PAK1: variants seen among roughly 807,000 people sequenced by gnomAD.
PAK1 encodes the protein p21 (RAC1) activated kinase 1.
Under a neutral mutation model 67.4 loss-of-function variants are expected in PAK1, and 29 were observed. The ratio of observed to expected loss-of-function variants is 0.43; its 90% CI spans 0.32 to 0.59. The LOEUF (loss-of-function observed/expected upper bound fraction) is 0.59. PAK1 is among the 20% of genes least tolerant of loss of function. The pLI is 0.07. For missense variants in PAK1, 337 were observed against 670.7 expected, an observed-to-expected ratio of 0.50 and a Z score of 5.50; for synonymous variants, 223 against 237.4, an observed-to-expected ratio of 0.94 and a Z score of 0.56.
the PAK1 span, among the ~76,000 whole-genome samples, chr11:77,505,015 C>G: frequency 6.6e-6 from 1 of 152,154 alleles, no homozygotes; most frequent in African/African-American, 2.4e-5. Context: ...CGATCTGGAG[C>G]CAGGATGAGA....
chr11:77,408,722 G>T (rs2137949317), intron 1 of PAK1, among the ~76,000 whole-genome samples: 1 of 152,252 alleles, frequency 6.6e-6, no homozygotes, highest in East Asian at 1.9e-4. Flanking sequence ...GAAAATATTT[G>T]TAAGCTATCC....
the PAK1 span, among the ~76,000 whole-genome samples, chr11:77,510,000 T>C: frequency 6.6e-6 from 1 of 152,256 alleles, no homozygotes; most frequent in Non-Finnish European, 1.5e-5. Flanking sequence ...ATAGACTCTC[T>C]GTTATCAGAT....
At chr11:77,394,631 G>A (rs1188882430) in intron 1 of PAK1, among the ~76,000 whole-genome samples, 1 of 152,110 alleles carries the variant, frequency 6.6e-6, no homozygotes, top group East Asian at 1.9e-4. Context: ...CAGATCACGA[G>A]GTCAAGAGAT....
chr11:77,394,147 C>A (rs1179768675), intron 1 of PAK1, among the ~76,000 whole-genome samples: 1 of 152,158 alleles, frequency 6.6e-6, no homozygotes, highest in African/African-American at 2.4e-5. Flanking sequence ...GTCTTCCATG[C>A]TGCAGTAGAA....
chr11:77,474,032 CCTT>C lies in PAK1; in HGVS notation c.-505_-503del, dbSNP rs1334233847. 1.9e-4 allele frequency: 29 copies of C among 152,080 alleles called. 1 individual carries two copies. Among genetic ancestry groups the C allele is most frequent in the Non-Finnish European group, 5.9e-5 (4 of 68,112 alleles). 9.4% of individuals were successfully genotyped at this position (152,080 alleles called of 1,614,324 possible). A position where few individuals can be genotyped will look rare whatever the true frequency, so the allele number is the denominator to read the frequency against. On this transcript the variant is annotated 5_prime_UTR_variant, in exon 1 of 15. Transcript: ENST00000356341. Reference sequence around the variant, plus strand: ...GGGGGCGTCTACTGTGCAGCCACCACCTTCGGCTCCGGCTGCAGCCGCGGGAGG... The same window carrying C: ...GGGGGCGTCTACTGTGCAGCCACCACCGGCTCCGGCTGCAGCCGCGGGAGG...
At chr11:77,449,105 A>G (rs956605622) in intron 1 of PAK1, among the ~76,000 whole-genome samples, 2 of 152,234 alleles carry the variant, frequency 1.3e-5, no homozygotes, top group African/African-American at 4.8e-5. Flanking sequence ...AAACTCCTTC[A>G]ATCTTAGCCT....
At chr11:77,521,401 T>C in the PAK1 span, among the ~76,000 whole-genome samples, 2 of 152,184 alleles carry the variant, frequency 1.3e-5, no homozygotes, top group East Asian at 3.9e-4. Context: ...TGGTGGCGCA[T>C]GCCTGTAATA....
chr11:77,387,391 A>G (rs1565650334), intron 2 of PAK1, among the ~76,000 whole-genome samples: 1 of 152,206 alleles, frequency 6.6e-6, no homozygotes, highest in Admixed American at 6.6e-5. Flanking sequence ...TTTTAAAAGC[A>G]CCATAAGTGA....
chr11:77,397,104 A>T (rs1245566625), intron 1 of PAK1: 1 of 152,268 alleles, frequency 6.6e-6, no homozygotes, highest in Non-Finnish European at 1.5e-5. Context: ...CTGCAATATA[A>T]AGCTAGGCAT....
chr11:77,355,689 C>G lies in PAK1; in HGVS notation c.751G>C (p.Glu251Gln). The part of the protein sequence containing the change: ...KQKKKPKMSD[E>Q]EILEKLRSIV... ...TTACGTAATTTCTCCAAGATCTCCTCATCAGACATTTTAGGCTTCTTCTTC... is the reference window on the plus strand; with the variant it reads ...TTACGTAATTTCTCCAAGATCTCCTGATCAGACATTTTAGGCTTCTTCTTC... Residue 251 changes from glutamate (E) to glutamine (Q), a missense_variant, in exon 7 of 15, where the codon GAG becomes CAG. Glu to Gln is a conservative substitution (Grantham distance 29, BLOSUM62 2). Coordinates refer to ENST00000356341, the MANE Select transcript of PAK1 (RefSeq NM_002576.5). The G allele has an allele frequency of 6.2e-7, 1 of 1,613,408 alleles. No homozygotes were observed. Among genetic ancestry groups the G allele is most frequent in the Middle Eastern group, 1.7e-4 (1 of 6,050 alleles).
the PAK1 span, among the ~76,000 whole-genome samples, chr11:77,512,574 A>G: frequency 6.6e-6 from 1 of 152,126 alleles, no homozygotes; most frequent in African/African-American, 2.4e-5. Flanking sequence ...GAATGATTGT[A>G]TCCTTTTTTA....
chr11:77,442,336 T>G (rs1956391430), intron 1 of PAK1, among the ~76,000 whole-genome samples: 1 of 152,212 alleles, frequency 6.6e-6, no homozygotes, highest in East Asian at 1.9e-4. Flanking sequence ...ATGTCACTTC[T>G]GAAGTTTGAT....
intron 1 of PAK1, among the ~76,000 whole-genome samples, chr11:77,421,307 A>G (rs1377798748): frequency 6.6e-6 from 1 of 152,200 alleles, no homozygotes; most frequent in East Asian, 1.9e-4. Context: ...ATTTCCCCTC[A>G]GATAACCATA....
chr11:77,420,590 C>T (rs1026915603), intron 1 of PAK1, among the ~76,000 whole-genome samples: 1 of 152,206 alleles, frequency 6.6e-6, no homozygotes, highest in African/African-American at 2.4e-5. Flanking sequence ...CCCCCACAAG[C>T]ATCCATCAGC....
At chr11:77,490,297 C>CGCT in the PAK1 span, among the ~76,000 whole-genome samples, 1 of 148,298 alleles carries the variant, frequency 6.7e-6, no homozygotes, top group Admixed American at 6.7e-5. Flanking sequence ...TCAGCCCCCC[C>CGCT]ACCCGGCCAG....
At chr11:77,412,624 G>C (rs774423312) in intron 1 of PAK1, among the ~76,000 whole-genome samples, 2 of 151,856 alleles carry the variant, frequency 1.3e-5, no homozygotes, top group African/African-American at 2.4e-5. Flanking sequence ...GATGGGGTCT[G>C]CCATGTTGCC....
chr11:77,323,083 G>T lies in PAK1; in HGVS notation c.*191C>A. 9.9e-7 allele frequency: 1 copy of T among 1,009,350 alleles called. No homozygotes were observed. The highest frequency in any genetic ancestry group is 1.5e-6 in the Non-Finnish European group (1 of 663,026). The allele number at this position is 1,009,350 out of a possible 1,614,324, so 62.5% of individuals were successfully genotyped here. The stretch of plus-strand genomic sequence containing the variant: ...CCTTATTTAGAAATGGCCATCATCT[G>T]ATTAGTCATTCAGTTGCAGTTCTCT... On this transcript the variant is annotated 3_prime_UTR_variant, in exon 15 of 15. Transcript: ENST00000356341.
intron 1 of PAK1, chr11:77,411,836 C>T (rs1954590588): frequency 6.6e-6 from 1 of 152,376 alleles, no homozygotes; most frequent in Non-Finnish European, 1.5e-5. Context: ...CCGCACCTCT[C>T]CCTGCCCAAC....
chr11:77,380,146 G>C (rs550067986), intron 2 of PAK1, 152 bp from the exon 3 acceptor site: 2 of 613,678 alleles, frequency 3.3e-6, no homozygotes, highest in South Asian at 4.0e-5. Flanking sequence ...TACGGATCTG[G>C]ATTGGAGCAG....
Sources: allele counts gnomAD v4.1 joint callset (sites outside exome capture counted in the v4.1 genomes callset), GRCh38; gene constraint gnomAD v4.1.1; transcripts MANE v1.5; gene names NCBI Gene and HGNC (gene_info 2026-07-23, HGNC 2026-07-21).